The following CDK17 variants were observed in gnomAD, a reference collection of about 807,000 sequenced individuals.
CDK17 encodes the protein cyclin-dependent kinase 17.
In CDK17, 24 loss-of-function variants were observed where a neutral mutation model predicts 77.6. The observed-to-expected ratio is 0.31, with a 90% CI of 0.22 to 0.44. The LOEUF (loss-of-function observed/expected upper bound fraction) is 0.44. Ranked by LOEUF, CDK17 falls within the 20% of genes least tolerant of loss-of-function variation. The pLI is 1.00. For synonymous variants in CDK17, 203 were observed against 210.4 expected, an observed-to-expected ratio of 0.96 and a Z score of 0.30; for missense variants, 429 against 622.5, an observed-to-expected ratio of 0.69 and a Z score of 3.31.
chr12:96,366,537 C>CTTAA (rs1389290036), intron 1 of CDK17, among the ~76,000 whole-genome samples: 2 of 152,144 alleles, frequency 1.3e-5, no homozygotes, highest in Non-Finnish European at 2.9e-5. Context: ...TTATAAGCAG[C>CTTAA]TTAAACAGCA....
At position 96,398,435 on chromosome 12, in the gene CDK17, A is replaced by AT. The variant is rs1226397281; in HGVS notation, c.-30+1550dup. On this transcript the variant is annotated intron_variant, in intron 1 of 16. Coordinates refer to ENST00000261211, the MANE Select transcript of CDK17 (RefSeq NM_002595.5). ...AAACCAATTATATTACCACTAGCAAATTTTTTCCCCTTAAAATCTAGTTTC... is the reference window on the plus strand; with the variant it reads ...AAACCAATTATATTACCACTAGCAAATTTTTTTCCCCTTAAAATCTAGTTTC... Among the ~76,000 whole-genome samples, 7 of 152,084 alleles carry AT rather than the reference A, an allele frequency of 4.6e-5. No homozygotes were observed. In the East Asian group the frequency reaches 7.7e-4, roughly 17 times the overall value.
At chr12:96,295,601 G>A (rs114030326) in intron 9 of CDK17, among the ~76,000 whole-genome samples, 271 of 151,914 alleles carry the variant, frequency 1.8e-3, no homozygotes, top group African/African-American at 6.3e-3. Context: ...TGGAATTGGC[G>A]ATTTTATGAA....
At chr12:96,338,362 T>C (rs898074994) in intron 1 of CDK17, among the ~76,000 whole-genome samples, 2 of 152,210 alleles carry the variant, frequency 1.3e-5, no homozygotes, top group Non-Finnish European at 2.9e-5. Flanking sequence ...ATCATAACCA[T>C]GAGTTTAACA....
At chr12:96,314,840 T>G (rs1173336384) in intron 3 of CDK17, among the ~76,000 whole-genome samples, 1 of 152,252 alleles carries the variant, frequency 6.6e-6, no homozygotes, top group Non-Finnish European at 1.5e-5. Context: ...TTTATCAACT[T>G]TGTGAGATCA....
chr12:96,323,230 C>G (rs528287256), intron 3 of CDK17, among the ~76,000 whole-genome samples: 96 of 146,870 alleles, frequency 6.5e-4, no homozygotes, highest in African/African-American at 2.4e-3. Flanking sequence ...TCCAGGAGTT[C>G]AAGACCAGCC....
Position 96,278,898 on chromosome 12 carries a change from A to G in CDK17, c.*1344T>C, listed in dbSNP as rs1277268994. 4 of 152,638 alleles carry G rather than the reference A, an allele frequency of 2.6e-5. No homozygotes were observed. The highest frequency in any genetic ancestry group is 5.9e-5 in the Non-Finnish European group (4 of 67,996). The allele number at this position is 152,638 out of a possible 1,614,324, so 9.5% of individuals were successfully genotyped here. The stretch of plus-strand genomic sequence containing the variant: ...AATCCACTTAATACTGTTAAATAAC[A>G]ACAATAAACTACAAGATTTCCTGAA... On this transcript the variant is annotated 3_prime_UTR_variant, in exon 17 of 17. Coordinates refer to ENST00000261211, the MANE Select transcript of CDK17 (RefSeq NM_002595.5).
chr12:96,345,643 A>G (rs775050208), intron 1 of CDK17, among the ~76,000 whole-genome samples: 2 of 152,238 alleles, frequency 1.3e-5, no homozygotes, highest in Non-Finnish European at 2.9e-5. Context: ...CAATAACAAT[A>G]TAAAAGGGAA....
chr12:96,332,351 A>G (rs1016949676), intron 2 of CDK17, among the ~76,000 whole-genome samples: 2 of 152,224 alleles, frequency 1.3e-5, no homozygotes, highest in Non-Finnish European at 2.9e-5. Context: ...TTATGCTACT[A>G]TTTGGCATTA....
intron 3 of CDK17, among the ~76,000 whole-genome samples, chr12:96,322,752 T>C (rs930707344): frequency 6.6e-6 from 1 of 152,254 alleles, no homozygotes; most frequent in Non-Finnish European, 1.5e-5. Flanking sequence ...CAATGACTTT[T>C]GCATATTCAT....
rs568227262 is a variant in CDK17 at position 96,398,754 on chromosome 12, G to A, written c.-30+1232C>T. On this transcript the variant is annotated intron_variant, in intron 1 of 16. Transcript: ENST00000261211. Reference sequence around the variant, plus strand: ...ATACACTTTGCTGACCCTAGGAATGGCCAAGTCTCAAAACAAAATTTGCCT... The same window carrying A: ...ATACACTTTGCTGACCCTAGGAATGACCAAGTCTCAAAACAAAATTTGCCT... 3.3e-5 allele frequency among the ~76,000 whole-genome samples: 5 copies of A among 152,278 alleles called. No homozygotes were observed. The South Asian group carries it at 8.3e-4, about 25-fold the overall frequency.
chr12:96,365,069 T>G (rs903708165), intron 1 of CDK17, among the ~76,000 whole-genome samples: 1 of 152,202 alleles, frequency 6.6e-6, no homozygotes, highest in Non-Finnish European at 1.5e-5. Context: ...TTCTGTACAT[T>G]TATCCATAAA....
intron 5 of CDK17, among the ~76,000 whole-genome samples, chr12:96,303,696 ATTATAAT>A (rs1418433633): frequency 6.6e-6 from 1 of 151,834 alleles, no homozygotes; most frequent in Non-Finnish European, 1.5e-5. Context: ...TATAAATTAA[ATTATAAT>A]TTATAATAGT....
intron 1 of CDK17, among the ~76,000 whole-genome samples, chr12:96,396,996 G>A (rs1042187281): frequency 2.0e-5 from 3 of 152,036 alleles, no homozygotes; most frequent in African/African-American, 7.2e-5. Flanking sequence ...AAGGGACATC[G>A]TCATCTCCAC....
Position 96,319,897 on chromosome 12 carries a change from G to A in CDK17, c.283+4051C>T, listed in dbSNP as rs1285519543. On this transcript the variant is annotated intron_variant, in intron 3 of 16. Transcript: ENST00000261211. ...CCCTTTGAAAACTGGCACAAGACAG[G>A]GATGCCTTCTCTCACCGCTCCTATT... Among the ~76,000 whole-genome samples, 6 of 146,618 alleles carry A rather than the reference G, an allele frequency of 4.1e-5. 1 individual carries two copies. Among genetic ancestry groups the A allele is most frequent in the African/African-American group, 1.6e-4 (6 of 38,630 alleles).
At chr12:96,299,228 A>G (rs149927265) in intron 6 of CDK17, among the ~76,000 whole-genome samples, 124 of 152,338 alleles carry the variant, frequency 8.1e-4, no homozygotes, top group Admixed American at 2.2e-3. Flanking sequence ...AAACATAGAC[A>G]GAATATTTAC....
chr12:96,321,889 G>A (rs1952821270), intron 3 of CDK17, among the ~76,000 whole-genome samples: 1 of 146,486 alleles, frequency 6.8e-6, no homozygotes, highest in Non-Finnish European at 1.5e-5. Context: ...CAGCGCACCA[G>A]CATGGCACAT....
intron 1 of CDK17, among the ~76,000 whole-genome samples, chr12:96,338,881 A>G (rs1953084509): frequency 6.6e-6 from 1 of 151,782 alleles, no homozygotes; most frequent in South Asian, 2.1e-4. Context: ...ATTGTTCTGC[A>G]TCTACCACCA....
intron 1 of CDK17, among the ~76,000 whole-genome samples, chr12:96,393,903 C>A (rs1359760100): frequency 6.6e-6 from 1 of 151,976 alleles, no homozygotes; most frequent in Non-Finnish European, 1.5e-5. Flanking sequence ...TAAAGAAGAG[C>A]AAGTCTAAAT....
intron 1 of CDK17, among the ~76,000 whole-genome samples, chr12:96,384,125 T>G (rs1282528681): frequency 6.6e-6 from 1 of 151,842 alleles, no homozygotes. Context: ...AGAAGACATA[T>G]AAGCAGCCAA....
Sources: allele counts gnomAD v4.1 joint callset (sites outside exome capture counted in the v4.1 genomes callset), GRCh38; gene constraint gnomAD v4.1.1; transcripts MANE v1.5; gene names NCBI Gene and HGNC (gene_info 2026-07-23, HGNC 2026-07-21).